PICALM: variants seen among roughly 807,000 people sequenced by gnomAD.
The protein encoded by PICALM is phosphatidylinositol-binding clathrin assembly protein.
A neutral mutation model predicts 80.5 loss-of-function variants in PICALM; 40 were observed. That is an observed-to-expected ratio of 0.50 (90% CI 0.39 to 0.65). PICALM has a LOEUF of 0.65. Ranked by LOEUF, PICALM falls within the 30% of genes least tolerant of loss-of-function variation. The pLI, the probability that PICALM is intolerant of heterozygous loss-of-function variation, is 0.00. For missense variants in PICALM, 676 were observed against 778.9 expected, an observed-to-expected ratio of 0.87 and a Z score of 1.57; for synonymous variants, 288 against 260.3, an observed-to-expected ratio of 1.11 and a Z score of -1.02.
chr11:86,068,247 A>C (rs2096474159), intron 1 of PICALM, among the ~76,000 whole-genome samples: 1 of 152,206 alleles, frequency 6.6e-6, no homozygotes, highest in South Asian at 2.1e-4. Flanking sequence ...TGAAGAAACA[A>C]TGGGGCTTGG....
At chr11:85,962,859 G>A (rs2093735339) in intron 19 of PICALM, among the ~76,000 whole-genome samples, 1 of 152,192 alleles carries the variant, frequency 6.6e-6, no homozygotes, top group African/African-American at 2.4e-5. Context: ...ACATACAGCA[G>A]CCCCTGACCA....
chr11:86,036,729 T>G (rs2095847996), intron 1 of PICALM, among the ~76,000 whole-genome samples: 1 of 152,090 alleles, frequency 6.6e-6, no homozygotes, highest in African/African-American at 2.4e-5. Context: ...ATAAAAGCTG[T>G]CAGGAGAAAA....
At chr11:85,966,458 A>G (rs1472855515) in intron 19 of PICALM, among the ~76,000 whole-genome samples, 1 of 152,246 alleles carries the variant, frequency 6.6e-6, no homozygotes, top group East Asian at 1.9e-4. Context: ...TTTCTTAGTC[A>G]GTTTCAAATA....
intron 1 of PICALM, among the ~76,000 whole-genome samples, chr11:86,038,094 T>C (rs1593211937): frequency 1.3e-5 from 2 of 152,086 alleles, no homozygotes; most frequent in Admixed American, 1.3e-4. Flanking sequence ...TTGAGGCAGG[T>C]AGATCACTTG....
chr11:86,001,721 T>C (rs562313509), intron 9 of PICALM, among the ~76,000 whole-genome samples: 124 of 152,368 alleles, frequency 8.1e-4, no homozygotes, highest in Non-Finnish European at 1.4e-3. Context: ...TTCTATGTGC[T>C]GCCCTTTTGC....
intron 13 of PICALM, among the ~76,000 whole-genome samples, chr11:85,986,653 G>A (rs987841760): frequency 6.6e-6 from 1 of 151,568 alleles, no homozygotes; most frequent in Non-Finnish European, 1.5e-5. Context: ...GCCTCCCAGA[G>A]TGCTGGGATT....
chr11:86,008,951 C>CAAA (rs1565392146), intron 7 of PICALM, among the ~76,000 whole-genome samples: 4 of 133,320 alleles, frequency 3.0e-5, no homozygotes, highest in Non-Finnish European at 3.1e-5. Flanking sequence ...AAAAAAAAAG[C>CAAA]CAAAAAAAAA....
intron 1 of PICALM, among the ~76,000 whole-genome samples, chr11:86,052,914 C>T (rs935214374): frequency 6.6e-6 from 1 of 152,230 alleles, no homozygotes; most frequent in Non-Finnish European, 1.5e-5. Context: ...ATTTCAGCTT[C>T]CTGTCTACAA....
chr11:86,031,539 G>T lies in PICALM; in HGVS notation c.203C>A (p.Thr68Asn), dbSNP rs748465366. 1.2e-5 allele frequency: 20 copies of T among 1,611,144 alleles called. No individual in the cohort carries two copies. In the East Asian group the frequency reaches 4.5e-4, roughly 36 times the overall value. ...QLADSLFERT[T>N]NSSWVVVFKS... ...GAAGACCACCACCCAACTACTATTA[G>T]TAGTTCTTTCAAATAAACTGTCTGC... Residue 68 changes from threonine to asparagine, a missense_variant, in exon 2 of 20, where the codon ACT becomes AAT. By Grantham distance (65) the Thr-to-Asn change is moderately conservative. Around this residue, in one of 2 missense-constraint regions of PICALM, gnomAD observed 285 missense variants for 395.4 expected, o/e 0.72. Coordinates refer to ENST00000393346, the MANE Select transcript of PICALM (RefSeq NM_007166.4).
intron 13 of PICALM, among the ~76,000 whole-genome samples, chr11:85,986,693 G>A (rs909179298): frequency 6.6e-6 from 1 of 151,928 alleles, no homozygotes; most frequent in Non-Finnish European, 1.5e-5. Context: ...CCCGGCCCTC[G>A]CCAACTTTTA....
intron 1 of PICALM, among the ~76,000 whole-genome samples, chr11:86,048,126 T>C (rs1477331039): frequency 2.0e-5 from 3 of 152,136 alleles, no homozygotes; most frequent in South Asian, 2.1e-4. Flanking sequence ...TCCAATCTCC[T>C]GATGCGAAGC....
intron 12 of PICALM, among the ~76,000 whole-genome samples, chr11:85,993,311 T>G (rs2094852227): frequency 6.6e-6 from 1 of 152,140 alleles, no homozygotes; most frequent in African/African-American, 2.4e-5. Context: ...GGTCTCGAAC[T>G]CCTGGGCTCA....
At chr11:85,984,033 T>G in intron 13 of PICALM, 60 bp from the exon 14 acceptor site, 1 of 737,992 alleles carries the variant, frequency 1.4e-6, no homozygotes. Flanking sequence ...TTACGACTAT[T>G]TAATAATGAT....
intron 1 of PICALM, among the ~76,000 whole-genome samples, chr11:86,053,579 CT>C (rs1038903438): frequency 3.3e-5 from 5 of 151,846 alleles, no homozygotes; most frequent in African/African-American, 4.8e-5. Flanking sequence ...CGAATAAAGT[CT>C]TTTTTTTGAG....
At chr11:86,054,441 G>A (rs1205465025) in intron 1 of PICALM, among the ~76,000 whole-genome samples, 1 of 152,130 alleles carries the variant, frequency 6.6e-6, no homozygotes, top group African/African-American at 2.4e-5. Flanking sequence ...GCTCCTTTAA[G>A]AGCTCCCTCT....
chr11:86,043,069 C>A (rs1414200494), intron 1 of PICALM, among the ~76,000 whole-genome samples: 2 of 152,168 alleles, frequency 1.3e-5, no homozygotes, highest in Admixed American at 6.6e-5. Flanking sequence ...ATTCAGATAG[C>A]ACACCCTTTC....
At chr11:86,040,840 C>T (rs1245062955) in intron 1 of PICALM, among the ~76,000 whole-genome samples, 1 of 152,120 alleles carries the variant, frequency 6.6e-6, no homozygotes, top group Admixed American at 6.6e-5. Context: ...ACAATGGATT[C>T]ACCTAAGTAT....
At chr11:86,040,584 T>G (rs1345623519) in intron 1 of PICALM, among the ~76,000 whole-genome samples, 3 of 152,158 alleles carry the variant, frequency 2.0e-5, no homozygotes, top group Admixed American at 2.0e-4. Context: ...TTCATCTATA[T>G]CCCTAACATT....
At chr11:86,000,500 C>A (rs2095109651) in intron 11 of PICALM, 143 bp downstream of exon 11, 1 of 588,446 alleles carries the variant, frequency 1.7e-6, no homozygotes, top group Non-Finnish European at 2.9e-6. Context: ...AGGTATTATA[C>A]CAATATCACC....
Sources: gnomAD v4.1 joint callset for allele counts (sites outside exome capture counted in the v4.1 genomes callset) on GRCh38, gnomAD v4.1.1 for gene constraint, gnomAD v4.1.1 regional missense constraint, MANE v1.5 for transcripts, NCBI Gene and HGNC (gene_info 2026-07-23, HGNC 2026-07-21) for gene names.